Variants in ZNF667 observed in about 807,000 individuals in gnomAD.
ZNF667 encodes the protein myocardial ischemic preconditioning upregulated 1 ortholog.
Under a neutral mutation model 31.8 loss-of-function variants are expected in ZNF667, and 13 were observed. That is an observed-to-expected ratio of 0.41 (90% CI 0.27 to 0.65). The LOEUF (loss-of-function observed/expected upper bound fraction) is 0.65, where lower values mean the gene tolerates loss of function less well. ZNF667 is among the 30% of genes least tolerant of loss of function. The probability of loss-of-function intolerance (pLI) is 0.32; values close to 1 mark genes in which losing one functional copy is unlikely to be tolerated. For synonymous variants in ZNF667, 228 were observed against 247.1 expected (o/e 0.92, Z 0.73); for missense variants, 642 against 725.6 (o/e 0.88, Z 1.32).
chr19:56,440,587 G>T lies in ZNF667; in HGVS notation c.*575C>A. ...ATGGACTTCACAATTCTATTTTGTT[G>T]TATGTGACCAATAAATTATCTTTAA... On this transcript the variant is annotated 3_prime_UTR_variant, in exon 7 of 7. Coordinates refer to ENST00000504904, the MANE Select transcript of ZNF667 (RefSeq NM_001321356.2). 1.0e-6 allele frequency: 1 copy of T among 980,402 alleles called. No homozygotes were observed. Among genetic ancestry groups the T allele is most frequent in the Non-Finnish European group, 1.2e-6 (1 of 825,572 alleles). 60.7% of individuals were successfully genotyped at this position (980,402 alleles called of 1,614,324 possible). A position where few individuals can be genotyped will look rare whatever the true frequency, so the allele number is the denominator to read the frequency against.
chr19:56,467,688 T>A (rs2043192329), intron 3 of ZNF667: 2 of 152,254 alleles, frequency 1.3e-5, no homozygotes, highest in African/African-American at 4.8e-5. Flanking sequence ...GGTTCAATTA[T>A]TAATAATTTG....
At chr19:56,462,545 ACAG>A (rs1175410954) in intron 3 of ZNF667, 116 bp from the exon 4 acceptor site, 12 of 696,298 alleles carry the variant, frequency 1.7e-5, no homozygotes, top group East Asian at 2.6e-5. Context: ...ACACACACAC[ACAG>A]ATGTCAGAAC....
At position 56,441,746 on chromosome 19, in the gene ZNF667, A is replaced by C; in HGVS notation, c.1249T>G (p.Cys417Gly). The stretch of plus-strand genomic sequence containing the variant: ...GAAAACATCTTCCCACATTCCTTAC[A>C]CTCAAATAGTTTCTTTTTCTTTGTA... ...VHTKKKKLFE[C>G]KECGKMFSGT... The change falls in exon 7 of 7, where the codon TGT (cysteine) becomes GGT (glycine). Residue 417 changes from cysteine (C) to glycine (G), a missense_variant. Cys to Gly is a radical substitution (Grantham distance 159). Coordinates refer to ENST00000504904, the MANE Select transcript of ZNF667 (RefSeq NM_001321356.2). This position sits in a 1 kb window ranked among gnomAD's most constrained non-coding sequence, Gnocchi z 4.2. The C allele has an allele frequency of 1.9e-6, 3 of 1,614,070 alleles. No individual in the cohort carries two copies. Among genetic ancestry groups the C allele is most frequent in the Non-Finnish European group, 2.5e-6 (3 of 1,180,020 alleles).
At chr19:56,476,996 C>G (rs2043424476) in intron 1 of ZNF667, 1 of 152,662 alleles carries the variant, frequency 6.6e-6, no homozygotes, top group African/African-American at 2.4e-5. Flanking sequence ...AGCTCCCTCA[C>G]ACACAGGCAC....
chr19:56,469,901 A>C (rs2043250368), intron 3 of ZNF667: 1 of 483,442 alleles, frequency 2.1e-6, no homozygotes, highest in African/African-American at 2.0e-5. Flanking sequence ...TTTTTCAAGG[A>C]GCCTTCCCTC....
intron 6 of ZNF667, among the ~76,000 whole-genome samples, chr19:56,448,309 T>C (rs1568839245): frequency 1.3e-5 from 2 of 152,076 alleles, no homozygotes; most frequent in African/African-American, 4.8e-5. Context: ...GCCTAAGAAT[T>C]GTCCACCACA....
At position 56,440,853 on chromosome 19, in the gene ZNF667, G is replaced by C; in HGVS notation, c.*309C>G. On this transcript the variant is annotated 3_prime_UTR_variant, in exon 7 of 7. Coordinates refer to ENST00000504904, the MANE Select transcript of ZNF667 (RefSeq NM_001321356.2). ...GGTTTCACCGTGGTCTCAAACTCTTGACCTCGTGATCCGCCTGTCTCAGCC... is the reference window on the plus strand; with the variant it reads ...GGTTTCACCGTGGTCTCAAACTCTTCACCTCGTGATCCGCCTGTCTCAGCC... 8.7e-6 allele frequency: 9 copies of C among 1,030,682 alleles called. No homozygotes were observed. Among genetic ancestry groups the C allele is most frequent in the Non-Finnish European group, 1.1e-5 (9 of 832,940 alleles). 63.8% of individuals were successfully genotyped at this position (1,030,682 alleles called of 1,614,324 possible).
rs781239569 is a variant in ZNF667, at chr19:56,442,296, G to C, written c.699C>G (p.Ala233=). The stretch of plus-strand genomic sequence containing the variant: ...TATTGAAAGACTGACATTGACTCAA[G>C]GCCTTCCCACAGTCAAGAATTTCCT... The part of the protein sequence containing the change: ...DGKEILDCGK[A]LSQCQSFNIH... The change falls in exon 7 of 7, where the codon GCC becomes GCG. Residue 233 remains alanine (A), a synonymous_variant. Coordinates refer to ENST00000504904, the MANE Select transcript of ZNF667 (RefSeq NM_001321356.2). 6.2e-7 allele frequency: 1 copy of C among 1,614,002 alleles called. No individual in the cohort carries two copies. Among genetic ancestry groups the C allele is most frequent in the South Asian group, 1.1e-5 (1 of 91,066 alleles).
intron 5 of ZNF667, among the ~76,000 whole-genome samples, chr19:56,460,384 C>A (rs1265280820): frequency 1.3e-5 from 2 of 152,282 alleles, no homozygotes; most frequent in Middle Eastern, 3.4e-3. Flanking sequence ...CTAGTAGTTG[C>A]TGAACCTGGG....
intron 5 of ZNF667, among the ~76,000 whole-genome samples, chr19:56,460,420 G>C (rs1377844026): frequency 6.6e-6 from 1 of 152,174 alleles, no homozygotes; most frequent in Non-Finnish European, 1.5e-5. Context: ...GGGAGACGAA[G>C]AGTGACTGCT....
chr19:56,440,448 C>T lies in ZNF667; in HGVS notation c.*714G>A, dbSNP rs556583789. 7 of 304,208 alleles carry T rather than the reference C, an allele frequency of 2.3e-5. 1 individual carries two copies. The highest frequency in any genetic ancestry group is 3.4e-5 in the Non-Finnish European group (7 of 207,104). 18.8% of individuals were successfully genotyped at this position (304,208 alleles called of 1,614,324 possible). ...TTATTCTCACCCACAAGTTTGTCAG[C>T]TGAAAGTGGCACCCTGTTTTGCCGA... On this transcript the variant is annotated 3_prime_UTR_variant, in exon 7 of 7. Coordinates refer to ENST00000504904, the MANE Select transcript of ZNF667 (RefSeq NM_001321356.2).
Position 56,441,384 on chromosome 19 carries a change from A to G in ZNF667, c.1611T>C (p.Ser537=). ...CATGTAGAATAAGAGATGTGCGCTG[A>G]CTAAAGGCCTTACCACATGTTTTGC... ...YTCKTCGKAF[S]QRTSLILHER... Residue 537 remains serine (S), a synonymous_variant, in exon 7 of 7, where the codon AGT becomes AGC. Transcript: ENST00000504904. This position sits in a 1 kb window ranked among gnomAD's most constrained non-coding sequence, Gnocchi z 4.2. 6.2e-7 allele frequency: 1 copy of G among 1,614,144 alleles called. No homozygotes were observed. The highest frequency in any genetic ancestry group is 8.5e-7 in the Non-Finnish European group (1 of 1,180,030).
In ZNF667 at chr19:56,442,758, A is replaced by T. The variant is rs1173654842; in HGVS notation, c.254-17T>A. On this transcript the variant is annotated splice_polypyrimidine_tract_variant and intron_variant, in intron 6 of 6. Coordinates refer to ENST00000504904, the MANE Select transcript of ZNF667 (RefSeq NM_001321356.2). ...ACCCCGAGTCTGAAAGACATAAAGG[A>T]ATTAAATGTTTCTCCTTTTCCATGC... 4.6e-6 allele frequency: 7 copies of T among 1,511,652 alleles called. No homozygotes were observed. Among genetic ancestry groups the T allele is most frequent in the Non-Finnish European group, 6.2e-6 (7 of 1,137,440 alleles). The allele number at this position is 1,511,652 out of a possible 1,614,324, so 93.6% of individuals were successfully genotyped here.
At chr19:56,474,464 G>A (rs1199883016) in intron 1 of ZNF667, 1 of 152,254 alleles carries the variant, frequency 6.6e-6, no homozygotes, top group Non-Finnish European at 1.5e-5. Flanking sequence ...AAGAACACAG[G>A]CTATGCATAT....
intron 6 of ZNF667, among the ~76,000 whole-genome samples, chr19:56,447,141 C>G: frequency 6.9e-6 from 1 of 145,202 alleles, no homozygotes; most frequent in East Asian, 1.9e-4. Context: ...CTTCCAATCA[C>G]ACAAAAATGA....
intron 5 of ZNF667, among the ~76,000 whole-genome samples, chr19:56,459,479 C>G (rs1003550266): frequency 1.3e-5 from 2 of 152,126 alleles, no homozygotes; most frequent in Non-Finnish European, 2.9e-5. Flanking sequence ...TCTGGCTCCT[C>G]AGAAGTATAA....
At chr19:56,467,239 A>G (rs554480234) in intron 3 of ZNF667, among the ~76,000 whole-genome samples, 198 of 152,278 alleles carry the variant, frequency 1.3e-3, no homozygotes, top group African/African-American at 4.5e-3. Context: ...TGACTGTGGT[A>G]GACCAGAGTT....
Position 56,471,872 on chromosome 19 carries a change from A to C in ZNF667, c.-233T>G, listed in dbSNP as rs907762233. ...TATGGTCTGGCTGTGTCCCCACTCA[A>C]ATCTCATCTTGAATTATAGCTCCCA... is the stretch of plus-strand genomic sequence containing the variant. On this transcript the variant is annotated 5_prime_UTR_variant, in exon 3 of 7. It adds an upstream start codon to the 5' untranslated region. Transcript: ENST00000504904. The C allele has an allele frequency of 1.3e-5, 2 of 152,148 alleles. No individual in the cohort carries two copies. Among genetic ancestry groups the C allele is most frequent in the Non-Finnish European group, 2.9e-5 (2 of 68,014 alleles). 9.4% of individuals were successfully genotyped at this position (152,148 alleles called of 1,614,324 possible). A position where few individuals can be genotyped will look rare whatever the true frequency, so the allele number is the denominator to read the frequency against.
At position 56,462,431 on chromosome 19, in the gene ZNF667, T is replaced by C. The variant is rs1286242026; in HGVS notation, c.-59-2A>G. 3 of 1,605,596 alleles carry C rather than the reference T, an allele frequency of 1.9e-6. No homozygotes were observed. In the Admixed American group the frequency reaches 5.0e-5, roughly 27 times the overall value. Reference sequence around the variant, plus strand: ...GGGCAGAGAGCTGGTAAGGCAGGGCTGTGGGGAGAAGACAGGTCATGAGGC... The same window carrying C: ...GGGCAGAGAGCTGGTAAGGCAGGGCCGTGGGGAGAAGACAGGTCATGAGGC... On this transcript the variant is annotated splice_acceptor_variant, in intron 3 of 6. Transcript: ENST00000504904. LOFTEE classifies it low-confidence loss of function (5UTR_SPLICE).
Sources: allele counts gnomAD v4.1 joint callset (sites outside exome capture counted in the v4.1 genomes callset), GRCh38; gene constraint gnomAD v4.1.1; non-coding constraint Gnocchi (gnomAD v3.1); transcripts MANE v1.5; gene names NCBI Gene and HGNC (gene_info 2026-07-23, HGNC 2026-07-21).